ANK3: variants seen among roughly 807,000 people sequenced by gnomAD.
ANK3 encodes the protein ankyrin-3.
Under a neutral mutation model 370.9 loss-of-function variants are expected in ANK3, and 57 were observed. That is an observed-to-expected ratio of 0.15 (90% CI 0.12 to 0.19). The LOEUF (loss-of-function observed/expected upper bound fraction) is 0.19, where lower values mean the gene tolerates loss of function less well. ANK3 is among the 10% of genes least tolerant of loss of function. The probability of loss-of-function intolerance (pLI) is 1.00; values close to 1 mark genes in which losing one functional copy is unlikely to be tolerated. For missense variants in ANK3, 4,439 were observed against 5,302.1 expected, an observed-to-expected ratio of 0.84 and a Z score of 5.06; for synonymous variants, 1,929 against 1,946.3, an observed-to-expected ratio of 0.99 and a Z score of 0.23.
intron 2 of ANK3, among the ~76,000 whole-genome samples, chr10:60,575,664 A>G (rs1212445228): frequency 6.6e-6 from 1 of 152,176 alleles, no homozygotes. Context: ...CATCTCTGAA[A>G]CTGTGTTAAG....
intron 43 of ANK3, among the ~76,000 whole-genome samples, chr10:60,034,028 CTT>C (rs1164004240): frequency 2.1e-5 from 3 of 144,846 alleles, no homozygotes; most frequent in Non-Finnish European, 4.5e-5. Flanking sequence ...ACACAGGAGT[CTT>C]TGAGTATAGA....
At chr10:60,417,315 G>A (rs982082184) in intron 2 of ANK3, among the ~76,000 whole-genome samples, 1 of 152,176 alleles carries the variant, frequency 6.6e-6, no homozygotes, top group African/African-American at 2.4e-5. Context: ...TTGACGGGGG[G>A]TCAGCTGAGA....
At chr10:60,587,637 A>G (rs1176713689) in intron 2 of ANK3, among the ~76,000 whole-genome samples, 2 of 152,242 alleles carry the variant, frequency 1.3e-5, no homozygotes, top group South Asian at 4.1e-4. Context: ...AGTAATAGAT[A>G]GAATGGATTA....
At chr10:60,152,459 A>G (rs1475344550) in intron 23 of ANK3, among the ~76,000 whole-genome samples, 1 of 152,218 alleles carries the variant, frequency 6.6e-6, no homozygotes, top group Non-Finnish European at 1.5e-5. Flanking sequence ...TTAATGACTA[A>G]TAAAATGAGA....
At chr10:60,729,003 G>A (rs974265686) in intron 1 of ANK3, among the ~76,000 whole-genome samples, 2 of 152,062 alleles carry the variant, frequency 1.3e-5, no homozygotes, top group Non-Finnish European at 2.9e-5. Context: ...CTCTATCTTG[G>A]ATTATATACT....
chr10:60,542,467 T>C (rs1410642303), intron 2 of ANK3, among the ~76,000 whole-genome samples: 2 of 152,016 alleles, frequency 1.3e-5, no homozygotes, highest in Non-Finnish European at 2.9e-5. Context: ...TTCGTTTTTG[T>C]TTTTCTACTA....
At chr10:60,260,728 T>G (rs2097791488) in intron 7 of ANK3, among the ~76,000 whole-genome samples, 1 of 152,094 alleles carries the variant, frequency 6.6e-6, no homozygotes, top group Non-Finnish European at 1.5e-5. Flanking sequence ...GCACCACTCT[T>G]CTTGCTCTCT....
chr10:60,471,003 C>T (rs2065204847), intron 2 of ANK3, among the ~76,000 whole-genome samples: 1 of 152,002 alleles, frequency 6.6e-6, no homozygotes, highest in Non-Finnish European at 1.5e-5. Flanking sequence ...CTTATTATTT[C>T]TTCACAGCAC....
intron 1 of ANK3, among the ~76,000 whole-genome samples, chr10:60,648,267 C>T (rs1322719808): frequency 1.3e-5 from 2 of 149,514 alleles, no homozygotes; most frequent in East Asian, 4.0e-4. Context: ...ATTTTCCTAC[C>T]TCAGCCTCCC....
chr10:60,684,532 T>A, intron 1 of ANK3: 3 of 1,565,268 alleles, frequency 1.9e-6, no homozygotes, highest in Non-Finnish European at 2.6e-6. Context: ...AGACCAGACT[T>A]CTATCCTGTC....
chr10:60,276,203 T>C (rs1388698997), intron 4 of ANK3, among the ~76,000 whole-genome samples: 2 of 152,202 alleles, frequency 1.3e-5, no homozygotes, highest in African/African-American at 4.8e-5. Context: ...GGAGAATTTT[T>C]ATAGTAAAGA....
chr10:60,407,423 T>C (rs1050980784), intron 2 of ANK3, among the ~76,000 whole-genome samples: 2 of 152,208 alleles, frequency 1.3e-5, no homozygotes, highest in Non-Finnish European at 2.9e-5. Flanking sequence ...ACTTAATTAA[T>C]ATATCATTGG....
chr10:60,570,992 A>G (rs2077581803), intron 2 of ANK3, among the ~76,000 whole-genome samples: 1 of 151,870 alleles, frequency 6.6e-6, no homozygotes, highest in Admixed American at 6.6e-5. Flanking sequence ...TATGTTCAGA[A>G]TCATGGTGGA....
chr10:60,051,932 C>T (rs1032847226), intron 42 of ANK3, among the ~76,000 whole-genome samples: 1 of 151,940 alleles, frequency 6.6e-6, no homozygotes, highest in Non-Finnish European at 1.5e-5. Flanking sequence ...ATTCATCTAC[C>T]ATGAAGGTGT....
rs72806153 is a variant in ANK3 at position 60,403,680 on chromosome 10, C to G, written c.97-124041G>C. ...TCGGCTCATTGCAAGCTCCACCTCC[C>G]GGGTTCACACCATTCTCCTGAGTAT... On this transcript the variant is annotated intron_variant, in intron 2 of 43. Transcript: ENST00000373827. Among the ~76,000 whole-genome samples the G allele has an allele frequency of 9.2e-5, 14 of 152,274 alleles. No individual in the cohort carries two copies. The East Asian group carries it at 2.1e-3, about 23-fold the overall frequency.
chr10:60,227,887 T>G (rs928547072), intron 8 of ANK3, among the ~76,000 whole-genome samples: 1 of 152,184 alleles, frequency 6.6e-6, no homozygotes, highest in Admixed American at 6.5e-5. Flanking sequence ...ATTATCTAAC[T>G]TTTCTTTTGA....
chr10:60,254,826 A>G (rs1328025292), intron 7 of ANK3, among the ~76,000 whole-genome samples: 1 of 152,212 alleles, frequency 6.6e-6, no homozygotes, highest in Non-Finnish European at 1.5e-5. Flanking sequence ...TAGGGAGAGG[A>G]AAGCAGGTTT....
At chr10:60,334,223 G>A (rs1013745273) in intron 1 of ANK3, among the ~76,000 whole-genome samples, 2 of 152,076 alleles carry the variant, frequency 1.3e-5, no homozygotes, top group Admixed American at 6.6e-5. Context: ...TTAATACAAT[G>A]AATATGGGCT....
chr10:60,677,760 C>T (rs1251663560), intron 1 of ANK3, among the ~76,000 whole-genome samples: 1 of 139,766 alleles, frequency 7.2e-6, no homozygotes, highest in African/African-American at 2.7e-5. Context: ...GACTGAATCC[C>T]AAACTAATCC....
Sources: gnomAD v4.1 joint callset for allele counts (sites outside exome capture counted in the v4.1 genomes callset) on GRCh38, gnomAD v4.1.1 for gene constraint, MANE v1.5 for transcripts, NCBI Gene and HGNC (gene_info 2026-07-23, HGNC 2026-07-21) for gene names.